WDHD1: variants seen among roughly 807,000 people sequenced by gnomAD.
WDHD1 encodes WD repeat and HMG-box DNA-binding protein 1.
Under a neutral mutation model 135.4 loss-of-function variants are expected in WDHD1, and 111 were observed. The observed-to-expected ratio is 0.82, with a 90% confidence interval of 0.70 to 0.96. The LOEUF (loss-of-function observed/expected upper bound fraction) is 0.96, where lower values mean the gene tolerates loss of function less well. Ranked by LOEUF, WDHD1 falls within the 40% of genes least tolerant of loss-of-function variation. WDHD1 has a pLI of 0.00. For missense variants in WDHD1, 1,351 were observed against 1,336.3 expected (o/e 1.01, Z -0.17); for synonymous variants, 434 against 439.0 (o/e 0.99, Z 0.14).
At chr14:54,943,571 A>T (rs2040871748) in intron 25 of WDHD1, among the ~76,000 whole-genome samples, 1 of 151,960 alleles carries the variant, frequency 6.6e-6, no homozygotes, top group South Asian at 2.1e-4. Context: ...GCTAATTTTT[A>T]AATTTTTGTA....
intron 14 of WDHD1, among the ~76,000 whole-genome samples, chr14:54,985,170 T>C (rs1172220100): frequency 6.6e-6 from 1 of 152,174 alleles, no homozygotes; most frequent in African/African-American, 2.4e-5. Flanking sequence ...ACCACTCTTA[T>C]TAAATTCAAA....
chr14:55,007,237 A>G (rs1213396552), intron 7 of WDHD1, 43 bp downstream of exon 7: 3 of 1,447,484 alleles, frequency 2.1e-6, no homozygotes, highest in Non-Finnish European at 2.8e-6. Context: ...CTAATAAAAA[A>G]AAAAAAAAAA....
chr14:54,988,719 T>G (rs1171181970), intron 13 of WDHD1, among the ~76,000 whole-genome samples: 1 of 145,350 alleles, frequency 6.9e-6, no homozygotes, highest in Non-Finnish European at 1.5e-5. Context: ...AATGAATGTA[T>G]ATTACTCTTA....
At chr14:55,022,850 G>GT (rs1324308286) in intron 2 of WDHD1, among the ~76,000 whole-genome samples, 3 of 143,330 alleles carry the variant, frequency 2.1e-5, no homozygotes, top group African/African-American at 7.9e-5. Context: ...TTGAGATGGA[G>GT]TTTCGCTCTT....
chr14:54,978,407 A>T (rs1595086595), intron 16 of WDHD1, among the ~76,000 whole-genome samples: 1 of 152,034 alleles, frequency 6.6e-6, no homozygotes, highest in East Asian at 1.9e-4. Flanking sequence ...AGATGGTGAG[A>T]CCCCATCTTT....
chr14:54,977,357 C>T (rs1192693805), intron 16 of WDHD1, among the ~76,000 whole-genome samples: 1 of 152,086 alleles, frequency 6.6e-6, no homozygotes, highest in African/African-American at 2.4e-5. Flanking sequence ...AAAATTTTCA[C>T]ATGTATGCAG....
chr14:55,007,240 A>AG, intron 7 of WDHD1, 40 bp downstream of exon 7: 1 of 1,476,498 alleles, frequency 6.8e-7, no homozygotes, highest in Non-Finnish European at 9.1e-7. Context: ...ATAAAAAAAA[A>AG]AAAAAAAAAG....
At position 54,991,325 on chromosome 14, in the gene WDHD1, T is replaced by C. The variant is rs576569686; in HGVS notation, c.1229A>G (p.Asn410Ser). The C allele has an allele frequency of 3.5e-5, 56 of 1,614,162 alleles. No homozygotes were observed. The highest frequency in any genetic ancestry group is 2.2e-4 in the East Asian group (10 of 44,884). ...EEDGQEGSIH[N>S]LPLVTSQRPF... ...CCTTTGGGATGTTACAAGTGGTAGA[T>C]TGTGAATGCTGCCTTCTTGACCATC... Residue 410 changes from asparagine to serine, a missense_variant, in exon 12 of 26, where the codon AAT becomes AGT. This residue lies in a region of WDHD1 where 1,330 missense variants were observed against 1,296.1 expected (regional missense o/e 1.03). Transcript: ENST00000360586.
At chr14:55,013,066 C>T (rs1035613977) in intron 3 of WDHD1, among the ~76,000 whole-genome samples, 2 of 151,716 alleles carry the variant, frequency 1.3e-5, no homozygotes, top group African/African-American at 2.4e-5. Flanking sequence ...TAATAAACCA[C>T]AAATTTTGGG....
chr14:55,022,353 A>G (rs972294023), intron 2 of WDHD1, among the ~76,000 whole-genome samples: 8 of 152,276 alleles, frequency 5.3e-5, no homozygotes, highest in African/African-American at 1.9e-4. Context: ...TTGTATTTGC[A>G]CCAAACATTA....
intron 16 of WDHD1, among the ~76,000 whole-genome samples, chr14:54,978,233 T>A (rs528414982): frequency 3.3e-5 from 5 of 152,294 alleles, no homozygotes; most frequent in Admixed American, 3.3e-4. Context: ...ACTAGATTCC[T>A]GAAAATGGAC....
chr14:54,967,030 G>C (rs1320486590), intron 17 of WDHD1, among the ~76,000 whole-genome samples: 1 of 152,186 alleles, frequency 6.6e-6, no homozygotes, highest in African/African-American at 2.4e-5. Context: ...CCCATCCTGA[G>C]AGTAAGTCTT....
rs923281539 is a variant in WDHD1, at chr14:54,962,378, A to C, written c.2701+120T>G. 4 of 768,970 alleles carry C rather than the reference A, an allele frequency of 5.2e-6. No homozygotes were observed. In the African/African-American group the frequency reaches 5.3e-5, roughly 10 times the overall value. 47.6% of individuals were successfully genotyped at this position (768,970 alleles called of 1,614,324 possible). On this transcript the variant is annotated intron_variant, in intron 21 of 25. Transcript: ENST00000360586. ...AACATCTGAGATTAAAAAAACAAAA[A>C]CATAAACACACACACACCAAAAGTG...
At chr14:55,004,966 C>T in intron 7 of WDHD1, 1 of 540,856 alleles carries the variant, frequency 1.8e-6, no homozygotes, top group South Asian at 1.4e-5. Flanking sequence ...GACCAGTCTG[C>T]AACCTCAGGT....
At chr14:54,986,184 A>C (rs959095176) in intron 14 of WDHD1, among the ~76,000 whole-genome samples, 1 of 152,240 alleles carries the variant, frequency 6.6e-6, no homozygotes, top group Non-Finnish European at 1.5e-5. Context: ...TCATGGAATC[A>C]ATTTTAATTT....
chr14:54,972,700 A>G (rs2041461145), intron 16 of WDHD1, among the ~76,000 whole-genome samples: 1 of 151,688 alleles, frequency 6.6e-6, no homozygotes, highest in South Asian at 2.1e-4. Context: ...GGCACTTGTA[A>G]TCCCAGATAT....
chr14:55,007,230 A>T, intron 7 of WDHD1, 50 bp downstream of exon 7: 1 of 1,323,352 alleles, frequency 7.6e-7, no homozygotes, highest in Non-Finnish European at 1.0e-6. Context: ...TCCATCTCTA[A>T]TAAAAAAAAA....
chr14:54,984,623 T>C, intron 15 of WDHD1, 100 bp downstream of exon 15: 2 of 1,000,996 alleles, frequency 2.0e-6, no homozygotes, highest in Admixed American at 3.9e-5. Context: ...GATAATTTAT[T>C]CTTAAATTAA....
chr14:54,976,982 T>A (rs1235236956), intron 16 of WDHD1, among the ~76,000 whole-genome samples: 1 of 152,140 alleles, frequency 6.6e-6, no homozygotes, highest in African/African-American at 2.4e-5. Flanking sequence ...AGTAATTCAA[T>A]TATTCTACAA....
Sources: allele counts gnomAD v4.1 joint callset (sites outside exome capture counted in the v4.1 genomes callset), GRCh38; gene constraint gnomAD v4.1.1; regional missense constraint gnomAD v4.1.1; transcripts MANE v1.5; gene names NCBI Gene and HGNC (gene_info 2026-07-23, HGNC 2026-07-21).